The following LRRC7 variants were observed in gnomAD, a reference collection of about 807,000 sequenced individuals.
LRRC7 encodes the protein leucine-rich repeat-containing protein 7.
LRRC7 carries 23 observed loss-of-function variants against 175.7 expected under a neutral mutation model. The observed-to-expected ratio is 0.13, with a 90% CI of 0.09 to 0.19. The LOEUF is 0.19. LRRC7 is among the 10% of genes least tolerant of loss of function. LRRC7 has a pLI of 1.00. For missense variants in LRRC7, 1,354 were observed against 1,904.7 expected, an observed-to-expected ratio of 0.71 and a Z score of 5.38; for synonymous variants, 685 against 680.9, an observed-to-expected ratio of 1.01 and a Z score of -0.09.
intron 3 of LRRC7, among the ~76,000 whole-genome samples, chr1:69,776,508 A>C (rs1672821768): frequency 6.6e-6 from 1 of 152,194 alleles, no homozygotes; most frequent in African/African-American, 2.4e-5. Context: ...AAAATCCTAG[A>C]GATATGTATC....
intron 2 of LRRC7, among the ~76,000 whole-genome samples, chr1:69,712,193 G>C (rs1664828609): frequency 6.6e-6 from 1 of 151,836 alleles, no homozygotes. Context: ...TTAGCCAAGT[G>C]TACCCCCAAC....
intron 24 of LRRC7, among the ~76,000 whole-genome samples, chr1:70,084,954 AAC>A (rs1173585820): frequency 1.3e-5 from 2 of 152,110 alleles, no homozygotes; most frequent in African/African-American, 2.4e-5. Context: ...TCTTTGGAGA[AAC>A]ATCTTTAAAA....
intron 9 of LRRC7, among the ~76,000 whole-genome samples, chr1:69,984,693 C>T (rs1653768118): frequency 6.6e-6 from 1 of 152,200 alleles, no homozygotes; most frequent in Admixed American, 6.5e-5. Context: ...ATCCCCTCTT[C>T]ATCCTCACTT....
intron 3 of LRRC7, among the ~76,000 whole-genome samples, chr1:69,788,163 T>C (rs915655108): frequency 3.9e-5 from 6 of 152,186 alleles, no homozygotes; most frequent in Admixed American, 2.6e-4. Flanking sequence ...AGCAGTCTTC[T>C]ATCCTTCCAC....
chr1:69,794,215 C>G (rs1016532519), intron 4 of LRRC7, among the ~76,000 whole-genome samples: 1 of 152,152 alleles, frequency 6.6e-6, no homozygotes, highest in African/African-American at 2.4e-5. Flanking sequence ...TCTACACCAA[C>G]TTGACTTGCC....
intron 2 of LRRC7, among the ~76,000 whole-genome samples, chr1:69,700,563 T>A (rs1663209863): frequency 2.6e-5 from 4 of 152,168 alleles, no homozygotes; most frequent in Admixed American, 6.5e-5. Context: ...AAGATTTCCA[T>A]CTACTGTGAG....
intron 22 of LRRC7, among the ~76,000 whole-genome samples, chr1:70,049,429 G>A (rs1230216149): frequency 5.3e-5 from 8 of 151,972 alleles, no homozygotes; most frequent in Admixed American, 5.3e-4. Flanking sequence ...GTTTTTTTCT[G>A]CTGAAAGCAA....
chr1:69,688,529 A>C (rs1471593647), intron 2 of LRRC7, among the ~76,000 whole-genome samples: 1 of 152,010 alleles, frequency 6.6e-6, no homozygotes, highest in Non-Finnish European at 1.5e-5. Context: ...TGTCAGCTTT[A>C]TTCTTGGGCT....
intron 7 of LRRC7, among the ~76,000 whole-genome samples, chr1:69,925,439 T>A (rs1001101455): frequency 6.6e-6 from 1 of 152,150 alleles, no homozygotes; most frequent in Non-Finnish European, 1.5e-5. Context: ...CTGGACTCTT[T>A]TTGGTTGGTA....
intron 2 of LRRC7, among the ~76,000 whole-genome samples, chr1:69,697,735 C>T (rs572473464): frequency 2.8e-4 from 42 of 152,300 alleles, no homozygotes; most frequent in African/African-American, 7.9e-4. Context: ...GCCCTAGTTT[C>T]GCTAAAAATG....
chr1:69,589,315 G>A (rs535640430), intron 1 of LRRC7, among the ~76,000 whole-genome samples: 1 of 152,160 alleles, frequency 6.6e-6, no homozygotes, highest in South Asian at 2.1e-4. Flanking sequence ...CATCCGCCAG[G>A]ACTACTAATC....
At chr1:70,116,877 G>T (rs753586920) in intron 26 of LRRC7, among the ~76,000 whole-genome samples, 3 of 152,112 alleles carry the variant, frequency 2.0e-5, no homozygotes, top group Non-Finnish European at 4.4e-5. Flanking sequence ...TTAATGTGAA[G>T]CACAATGAGG....
At chr1:69,960,423 C>G (rs904867920) in intron 8 of LRRC7, among the ~76,000 whole-genome samples, 1 of 151,932 alleles carries the variant, frequency 6.6e-6, no homozygotes, top group Non-Finnish European at 1.5e-5. Context: ...TTAAGTTTTT[C>G]AAAAAGCTAG....
chr1:70,072,578 A>ACTGCTGCTGCTGCTGCTG (rs6143270), intron 23 of LRRC7, among the ~76,000 whole-genome samples: 6 of 150,724 alleles, frequency 4.0e-5, no homozygotes, highest in Admixed American at 2.0e-4. Context: ...GAGACAAAAA[A>ACTGCTGCTGCTGCTGCTG]CTGCTGCTGC....
chr1:69,647,603 T>C (rs887044879), intron 1 of LRRC7, among the ~76,000 whole-genome samples: 1 of 152,112 alleles, frequency 6.6e-6, no homozygotes, highest in Non-Finnish European at 1.5e-5. Flanking sequence ...TTGTTTTTTT[T>C]CTAAAGCCTA....
At chr1:69,645,238 TAATTAAGACTGACA>T (rs1239750142) in intron 1 of LRRC7, among the ~76,000 whole-genome samples, 3 of 151,640 alleles carry the variant, frequency 2.0e-5, no homozygotes, top group Non-Finnish European at 4.4e-5. Flanking sequence ...CTACCTGAAC[TAATTAAGACTGACA>T]AATTCTAAAT....
intron 25 of LRRC7, among the ~76,000 whole-genome samples, chr1:70,090,113 A>G (rs761031913): frequency 6.6e-6 from 1 of 152,162 alleles, no homozygotes; most frequent in Non-Finnish European, 1.5e-5. Context: ...ACAGTTGTCT[A>G]TATTTGTAAA....
intron 1 of LRRC7, among the ~76,000 whole-genome samples, chr1:69,568,848 G>A (rs1396897844): frequency 6.6e-6 from 1 of 152,190 alleles, no homozygotes; most frequent in African/African-American, 2.4e-5. Context: ...TGGAAATGGG[G>A]TGCTAACTGG....
intron 7 of LRRC7, among the ~76,000 whole-genome samples, chr1:69,866,087 T>G (rs1684922694): frequency 6.6e-6 from 1 of 152,210 alleles, no homozygotes; most frequent in African/African-American, 2.4e-5. Flanking sequence ...CACAATGCTC[T>G]TGCTTTAGTA....
Sources: gnomAD v4.1 joint callset for allele counts (sites outside exome capture counted in the v4.1 genomes callset) on GRCh38, gnomAD v4.1.1 for gene constraint, MANE v1.5 for transcripts, NCBI Gene and HGNC (gene_info 2026-07-23, HGNC 2026-07-21) for gene names.